The following COQ5 variants were observed in gnomAD, a reference collection of about 807,000 sequenced individuals.
COQ5 encodes 2-methoxy-6-polyprenyl-1,4-benzoquinol methylase, mitochondrial.
A neutral mutation model predicts 40.5 loss-of-function variants in COQ5; 27 were observed. The ratio of observed to expected loss-of-function variants is 0.67; its 90% CI spans 0.49 to 0.92. COQ5 has a LOEUF of 0.92. COQ5 is among the 40% of genes least tolerant of loss of function. The pLI is 0.00. For missense variants in COQ5, 409 were observed against 406.4 expected (o/e 1.01, Z -0.06); for synonymous variants, 141 against 150.0 (o/e 0.94, Z 0.44).
chr12:120,522,468 T>C (rs376542349), intron 1 of COQ5, 105 bp from the exon 2 acceptor site: 3 of 1,103,056 alleles, frequency 2.7e-6, no homozygotes, highest in Non-Finnish European at 1.4e-6. Flanking sequence ...GACCTGGCTT[T>C]GCAAGGTGAA....
At position 120,523,477 on chromosome 12, in the gene COQ5, G is replaced by A. The variant is rs553145224; in HGVS notation, c.203-1114C>T. On this transcript the variant is annotated intron_variant, in intron 1 of 6. Coordinates refer to ENST00000288532, the MANE Select transcript of COQ5 (RefSeq NM_032314.4). ...TGGTCCTCTCCACAGCCTGCTCCCC[G>A]CTGCTGCTCCTAAGTCGTGGATGGC... is the stretch of plus-strand genomic sequence containing the variant. 5.7e-5 allele frequency: 17 copies of A among 300,874 alleles called. 1 individual carries two copies. The highest frequency in any genetic ancestry group is 3.8e-4 in the East Asian group (4 of 10,476). 18.6% of individuals were successfully genotyped at this position (300,874 alleles called of 1,614,324 possible). A position where few individuals can be genotyped will look rare whatever the true frequency, so the allele number is the denominator to read the frequency against.
At chr12:120,521,910 T>A (rs1344820516) in intron 2 of COQ5, among the ~76,000 whole-genome samples, 1 of 151,898 alleles carries the variant, frequency 6.6e-6, no homozygotes, top group Non-Finnish European at 1.5e-5. Context: ...GGCAGGAGAA[T>A]TGCTTGAACC....
rs1483625904 is a variant in COQ5 at position 120,503,511 on chromosome 12, T to G, written c.*273A>C. 5 of 577,644 alleles carry G rather than the reference T, an allele frequency of 8.7e-6. No homozygotes were observed. The highest frequency in any genetic ancestry group is 1.3e-5 in the Non-Finnish European group (4 of 305,760). The allele number at this position is 577,644 out of a possible 1,614,324, so 35.8% of individuals were successfully genotyped here. A position where few individuals can be genotyped will look rare whatever the true frequency, so the allele number is the denominator to read the frequency against. Reference sequence around the variant, plus strand: ...CTGAGCTTTAGGGGTGGTTGTACCTTAACCACACACCCTACAGCCAAGAGA... The same window carrying G: ...CTGAGCTTTAGGGGTGGTTGTACCTGAACCACACACCCTACAGCCAAGAGA... On this transcript the variant is annotated 3_prime_UTR_variant, in exon 7 of 7. Coordinates refer to ENST00000288532, the MANE Select transcript of COQ5 (RefSeq NM_032314.4).
intron 3 of COQ5, among the ~76,000 whole-genome samples, chr12:120,511,085 G>A (rs530401195): frequency 1.3e-5 from 2 of 151,862 alleles, no homozygotes; most frequent in South Asian, 2.1e-4. Flanking sequence ...GTGAAACCCC[G>A]TCTCTACTAA....
chr12:120,510,502 C>T (rs1432035742), intron 3 of COQ5, among the ~76,000 whole-genome samples: 2 of 152,028 alleles, frequency 1.3e-5, no homozygotes, highest in Admixed American at 1.3e-4. Flanking sequence ...TCTGTAGAGA[C>T]GAGGTCTCGT....
intron 1 of COQ5, chr12:120,522,948 A>C: frequency 1.6e-6 from 1 of 621,962 alleles, no homozygotes; most frequent in Non-Finnish European, 2.8e-6. Flanking sequence ...GTTGGCCTGC[A>C]TCTTTTTTAG....
intron 3 of COQ5, among the ~76,000 whole-genome samples, chr12:120,513,093 C>T (rs566488046): frequency 1.5e-4 from 22 of 149,892 alleles, no homozygotes; most frequent in African/African-American, 5.4e-4. Context: ...AGCCACAGCA[C>T]CCAGCCAAAT....
At chr12:120,521,632 C>T (rs1010989374) in intron 2 of COQ5, among the ~76,000 whole-genome samples, 1 of 144,368 alleles carries the variant, frequency 6.9e-6, no homozygotes, top group Non-Finnish European at 1.5e-5. Flanking sequence ...GCCGAGATTG[C>T]ACCGCTGCTG....
Position 120,503,898 on chromosome 12 carries a change from G to C in COQ5, c.883-13C>G, listed in dbSNP as rs887011627. The C allele has an allele frequency of 6.2e-7, 1 of 1,611,382 alleles. No homozygotes were observed. The highest frequency in any genetic ancestry group is 2.2e-5 in the East Asian group (1 of 44,888). ...CCTTGAACTCTTCCTGAAACACAAGGAAAGATGATAAAGCCAGGGTAGCCT... is the reference window on the plus strand; with the variant it reads ...CCTTGAACTCTTCCTGAAACACAAGCAAAGATGATAAAGCCAGGGTAGCCT... On this transcript the variant is annotated splice_polypyrimidine_tract_variant and intron_variant, in intron 6 of 6. Coordinates refer to ENST00000288532, the MANE Select transcript of COQ5 (RefSeq NM_032314.4).
chr12:120,515,752 T>C (rs937072547), intron 3 of COQ5, among the ~76,000 whole-genome samples: 1 of 152,130 alleles, frequency 6.6e-6, no homozygotes, highest in African/African-American at 2.4e-5. Context: ...AGAGTCTTGC[T>C]TGGAAAATAT....
rs371966508 is a variant in COQ5, at chr12:120,522,288, A to C, written c.278T>G (p.Val93Gly). The C allele has an allele frequency of 4.9e-5, 79 of 1,613,910 alleles. No homozygotes were observed. The highest frequency in any genetic ancestry group is 1.3e-4 in the Admixed American group (8 of 59,990). Reference sequence around the variant, plus strand: ...CTTCCAGAGCAGCAAATCCTTCCAAACACGATGGATACCAAGACTCATCAT... The same window carrying C: ...CTTCCAGAGCAGCAAATCCTTCCAACCACGATGGATACCAAGACTCATCAT... ...NDMMSLGIHR[V>G]WKDLLLWKMH... is the part of the protein sequence containing the mutation. Residue 93 changes from valine to glycine, a missense_variant, in exon 2 of 7, where the codon GTT becomes GGT. Coordinates refer to ENST00000288532, the MANE Select transcript of COQ5 (RefSeq NM_032314.4).
intron 2 of COQ5, among the ~76,000 whole-genome samples, chr12:120,517,732 T>C (rs1368958774): frequency 2.0e-5 from 3 of 152,062 alleles, no homozygotes; most frequent in African/African-American, 7.2e-5. Context: ...TGGTAAATAT[T>C]GTTCAGGACA....
intron 4 of COQ5, among the ~76,000 whole-genome samples, chr12:120,508,141 T>C (rs1208971837): frequency 6.6e-6 from 1 of 151,726 alleles, no homozygotes; most frequent in Non-Finnish European, 1.5e-5. Context: ...GACTACAGGT[T>C]CGTGCCGCCA....
At chr12:120,505,737 G>A (rs1868852027) in intron 4 of COQ5, among the ~76,000 whole-genome samples, 1 of 152,030 alleles carries the variant, frequency 6.6e-6, no homozygotes, top group Admixed American at 6.6e-5. Flanking sequence ...TGTATTTTTA[G>A]TAGAGACGGG....
rs1296913388 is a variant in COQ5, at chr12:120,503,659, A to G, written c.*125T>C. The G allele has an allele frequency of 1.5e-5, 11 of 752,188 alleles. No homozygotes were observed. The highest frequency in any genetic ancestry group is 2.6e-5 in the Non-Finnish European group (11 of 420,330). The allele number at this position is 752,188 out of a possible 1,614,324, so 46.6% of individuals were successfully genotyped here. On this transcript the variant is annotated 3_prime_UTR_variant, in exon 7 of 7. Transcript: ENST00000288532. Reference sequence around the variant, plus strand: ...TCCACTTTGAGACTGTTCGATTCAAACATGAGTCCAAGGCACGTATCCTTA... The same window carrying G: ...TCCACTTTGAGACTGTTCGATTCAAGCATGAGTCCAAGGCACGTATCCTTA...
intron 1 of COQ5, chr12:120,523,280 T>C (rs58386412): frequency 0.024 from 4,873 of 206,420 alleles, 244 homozygotes; most frequent in African/African-American, 0.11. Context: ...GAGCTTGCAG[T>C]GAGCCGAGAT....
chr12:120,514,613 C>T (rs900325572), intron 3 of COQ5, among the ~76,000 whole-genome samples: 2 of 151,756 alleles, frequency 1.3e-5, no homozygotes, highest in African/African-American at 2.4e-5. Flanking sequence ...TATGGTGCTG[C>T]GCAGCTGTAA....
Position 120,506,299 on chromosome 12 carries a change from T to G in COQ5, c.682-1316A>C, listed in dbSNP as rs535433426. Among the ~76,000 whole-genome samples the G allele has an allele frequency of 2.3e-3, 344 of 152,312 alleles. 4 individuals are homozygous for G. The highest frequency in any genetic ancestry group is 7.8e-3 in the African/African-American group (326 of 41,562). On this transcript the variant is annotated intron_variant, in intron 4 of 6. Coordinates refer to ENST00000288532, the MANE Select transcript of COQ5 (RefSeq NM_032314.4). Reference sequence around the variant, plus strand: ...TCCACATCACCAAACTGAAACTAAGTTGTCAGCTGACCTTCTAGAGAGATC... The same window carrying G: ...TCCACATCACCAAACTGAAACTAAGGTGTCAGCTGACCTTCTAGAGAGATC...
chr12:120,525,224 C>T (rs544299091), intron 1 of COQ5, among the ~76,000 whole-genome samples: 28 of 152,160 alleles, frequency 1.8e-4, no homozygotes, highest in South Asian at 1.0e-3. Flanking sequence ...CTCAGCCTCC[C>T]GAATAGCTAC....
Sources: gnomAD v4.1 joint callset for allele counts (sites outside exome capture counted in the v4.1 genomes callset) on GRCh38, gnomAD v4.1.1 for gene constraint, MANE v1.5 for transcripts, NCBI Gene and HGNC (gene_info 2026-07-23, HGNC 2026-07-21) for gene names.